The following OSCP1 variants were observed in gnomAD, a reference collection of about 807,000 sequenced individuals.
OSCP1 encodes the protein protein OSCP1.
Under a neutral mutation model 45.1 loss-of-function variants are expected in OSCP1, and 35 were observed. That is an observed-to-expected ratio of 0.78 (90% CI 0.59 to 1.03). The LOEUF is 1.03. OSCP1 is among the 50% of genes least tolerant of loss of function. The pLI, the probability that OSCP1 is intolerant of heterozygous loss-of-function variation, is 0.00. For missense variants in OSCP1, 400 were observed against 470.7 expected (o/e 0.85, Z 1.39); for synonymous variants, 179 against 180.1 (o/e 0.99, Z 0.05).
At chr1:36,437,539 G>A (rs959813376) in intron 2 of OSCP1, among the ~76,000 whole-genome samples, 6 of 152,054 alleles carry the variant, frequency 3.9e-5, no homozygotes, top group African/African-American at 1.2e-4. Context: ...TTATTTTTGA[G>A]ATGAAGTCCT....
At chr1:36,427,508 G>A (rs560757792) in intron 4 of OSCP1, among the ~76,000 whole-genome samples, 5 of 151,180 alleles carry the variant, frequency 3.3e-5, no homozygotes, top group South Asian at 4.2e-4. Context: ...TAGTAGAGAC[G>A]GGGTTTCACC....
intron 1 of OSCP1, among the ~76,000 whole-genome samples, chr1:36,440,143 A>G (rs1649032638): frequency 6.6e-6 from 1 of 152,246 alleles, no homozygotes; most frequent in South Asian, 2.1e-4. Flanking sequence ...TTTGCTGAAC[A>G]CAAAGGACAC....
chr1:36,422,341 T>C (rs754186391), intron 6 of OSCP1, 122 bp from the exon 7 acceptor site: 113 of 924,372 alleles, frequency 1.2e-4, no homozygotes, highest in South Asian at 4.6e-4. Context: ...AAAGGTGCTG[T>C]GGGTACAGAA....
rs397725591 is a variant in OSCP1 at position 36,422,714 on chromosome 1, T to TTA, written c.749+53_749+54insTA. The TTA allele has an allele frequency of 7.9e-6, 11 of 1,399,528 alleles. No homozygotes were observed. The African/African-American group carries it at 8.8e-5, about 11-fold the overall frequency. 86.7% of individuals were successfully genotyped at this position (1,399,528 alleles called of 1,614,324 possible). On this transcript the variant is annotated intron_variant, in intron 6 of 9. Coordinates refer to ENST00000235532, the MANE Select transcript of OSCP1 (RefSeq NM_145047.5). ...CTGGCTGTTTCTCTTTTTTTTTTTT[T>TTA]AAATGAAGTGACCTCCCTTGGACTT...
intron 4 of OSCP1, among the ~76,000 whole-genome samples, chr1:36,429,534 A>ACTTTTTTTT: frequency 1.4e-5 from 1 of 72,322 alleles, no homozygotes; most frequent in Admixed American, 1.8e-4. Flanking sequence ...AGAAGCTTAG[A>ACTTTTTTTT]ATTTTTTTTT....
chr1:36,433,247 C>T (rs527621909), intron 2 of OSCP1, among the ~76,000 whole-genome samples: 2 of 152,288 alleles, frequency 1.3e-5, no homozygotes, highest in Admixed American at 1.3e-4. Context: ...CTTTGTGGTA[C>T]AAGTGGCCTT....
chr1:36,431,945 C>A, intron 3 of OSCP1, 63 bp from the exon 4 acceptor site: 2 of 1,475,900 alleles, frequency 1.4e-6, no homozygotes, highest in South Asian at 1.2e-5. Flanking sequence ...TACGCACCGG[C>A]AGGGCAGATG....
chr1:36,444,600 G>A (rs990433895), intron 1 of OSCP1, among the ~76,000 whole-genome samples: 1 of 152,042 alleles, frequency 6.6e-6, no homozygotes, highest in Non-Finnish European at 1.5e-5. Flanking sequence ...TATATATATA[G>A]ATGCATGATT....
intron 4 of OSCP1, among the ~76,000 whole-genome samples, chr1:36,429,751 T>G (rs1648234040): frequency 6.6e-6 from 1 of 151,424 alleles, no homozygotes; most frequent in Non-Finnish European, 1.5e-5. Flanking sequence ...TATTTTATTT[T>G]TATTTATTTA....
intron 1 of OSCP1, among the ~76,000 whole-genome samples, chr1:36,449,405 TGAG>T (rs1295330446): frequency 3.4e-5 from 5 of 146,922 alleles, no homozygotes; most frequent in African/African-American, 7.4e-5. Context: ...CCAACACTTG[TGAG>T]GAGATTTATA....
In OSCP1 at chr1:36,422,002, T is replaced by G. The variant is rs1570500743; in HGVS notation, c.819+148A>C. On this transcript the variant is annotated intron_variant, in intron 7 of 9. Transcript: ENST00000235532. ...CATGAAAAGCTACAATTAAAACCTG[T>G]GTACTCGTAAGGTGGAATGGAGAAG... is the stretch of plus-strand genomic sequence containing the variant. 3 of 722,442 alleles carry G rather than the reference T, an allele frequency of 4.2e-6. No homozygotes were observed. The East Asian group carries it at 7.7e-5, about 19-fold the overall frequency. 44.8% of individuals were successfully genotyped at this position (722,442 alleles called of 1,614,324 possible). A position where few individuals can be genotyped will look rare whatever the true frequency, so the allele number is the denominator to read the frequency against.
At chr1:36,429,191 A>T (rs1648178238) in intron 4 of OSCP1, among the ~76,000 whole-genome samples, 1 of 151,906 alleles carries the variant, frequency 6.6e-6, no homozygotes, top group Non-Finnish European at 1.5e-5. Context: ...TTCAAGACCA[A>T]CCTGGGCAAC....
chr1:36,429,893 C>T (rs1648247901), intron 4 of OSCP1, among the ~76,000 whole-genome samples: 1 of 151,434 alleles, frequency 6.6e-6, no homozygotes, highest in African/African-American at 2.4e-5. Flanking sequence ...TCACTGCAAC[C>T]TCTGCCTCTC....
intron 2 of OSCP1, 147 bp downstream of exon 2, chr1:36,438,609 T>C: frequency 3.2e-6 from 3 of 946,154 alleles, no homozygotes; most frequent in Non-Finnish European, 4.5e-6. Flanking sequence ...TCTTTCCCAC[T>C]CTGAAACTCA....
intron 9 of OSCP1, 112 bp from the exon 10 acceptor site, chr1:36,418,367 C>T (rs544425807): frequency 1.5e-5 from 12 of 826,884 alleles, no homozygotes; most frequent in African/African-American, 5.1e-5. Flanking sequence ...TTCAGTTGCG[C>T]ACCTGTTTGT....
intron 2 of OSCP1, among the ~76,000 whole-genome samples, chr1:36,434,601 T>A (rs1648587596): frequency 6.6e-6 from 1 of 151,780 alleles, no homozygotes; most frequent in Non-Finnish European, 1.5e-5. Context: ...AATACAAAAA[T>A]TAGCCGGGTG....
chr1:36,436,301 G>A (rs1331301006), intron 2 of OSCP1, among the ~76,000 whole-genome samples: 2 of 150,236 alleles, frequency 1.3e-5, no homozygotes, highest in East Asian at 4.0e-4. Flanking sequence ...TAGTAGAGAC[G>A]AGATTTCACC....
Position 36,429,535 on chromosome 1 carries a change from A to ATTTTTTTTTTTTT in OSCP1, c.516+2254_516+2266dup, listed in dbSNP as rs200043573. Among the ~76,000 whole-genome samples the ATTTTTTTTTTTTT allele has an allele frequency of 1.6e-3, 156 of 100,288 alleles. 18 individuals are homozygous for ATTTTTTTTTTTTT. The highest frequency in any genetic ancestry group is 7.7e-3 in the Middle Eastern group (1 of 130). The allele number at this position is 100,288 out of a possible 152,430, so 65.8% of individuals were successfully genotyped here. Reference sequence around the variant, plus strand: ...CACATTCAAAATTCAGAAGCTTAGAATTTTTTTTTTTTTTTTTTTTTTTTT... The same window carrying ATTTTTTTTTTTTT: ...CACATTCAAAATTCAGAAGCTTAGAATTTTTTTTTTTTTTTTTTTTTTTTTTTTTTTTTTTTTT... On this transcript the variant is annotated intron_variant, in intron 4 of 9. Coordinates refer to ENST00000235532, the MANE Select transcript of OSCP1 (RefSeq NM_145047.5).
chr1:36,430,585 CAT>C (rs2124788108), intron 4 of OSCP1, among the ~76,000 whole-genome samples: 1 of 152,018 alleles, frequency 6.6e-6, no homozygotes, highest in South Asian at 2.1e-4. Flanking sequence ...GCCTGGGAAA[CAT>C]AGTAAGACAC....
Sources: allele counts gnomAD v4.1 joint callset (sites outside exome capture counted in the v4.1 genomes callset), GRCh38; gene constraint gnomAD v4.1.1; transcripts MANE v1.5; gene names NCBI Gene and HGNC (gene_info 2026-07-23, HGNC 2026-07-21).